The following PUDP variants were observed in gnomAD, a reference collection of about 807,000 sequenced individuals.
PUDP encodes the protein pseudouridine-5'-phosphatase.
PUDP carries 8 observed loss-of-function variants against 9.4 expected under a neutral mutation model. The ratio of observed to expected loss-of-function variants is 0.85; its 90% CI spans 0.50 to 1.53. PUDP has a LOEUF of 1.53. Ranked by LOEUF, PUDP falls within the 40% of genes most tolerant of loss-of-function variation. The pLI is 0.00. For missense variants in PUDP, 188 were observed against 189.7 expected (o/e 0.99, Z 0.05); for synonymous variants, 99 against 80.7 (o/e 1.23, Z -1.22).
chrX:6,812,354 G>GT (rs1468795226), intron 3 of PUDP, among the ~76,000 whole-genome samples: 1 of 111,845 alleles, frequency 8.9e-6, no homozygotes, highest in Admixed American at 9.5e-5. Context: ...CAAATCTTAA[G>GT]TGACTTGAAA....
At chrX:6,730,361 C>T (rs759135903) in intron 3 of PUDP, among the ~76,000 whole-genome samples, 2 of 112,471 alleles carry the variant, frequency 1.8e-5, no homozygotes, top group East Asian at 2.8e-4. Context: ...CGAAGCACAG[C>T]CTACACTCAA....
intron 3 of PUDP, among the ~76,000 whole-genome samples, chrX:6,893,555 T>A (rs1485880470): frequency 8.9e-6 from 1 of 111,871 alleles, no homozygotes; most frequent in African/African-American, 3.2e-5. Context: ...TACTTACTTG[T>A]CTGAAAAAAG....
chrX:6,948,821 C>T (rs770014283), intron 3 of PUDP, among the ~76,000 whole-genome samples: 1 of 111,982 alleles, frequency 8.9e-6, no homozygotes, highest in Admixed American at 9.5e-5. Context: ...ATGGATGTTC[C>T]AGGGTTTTTC....
At chrX:6,736,032 C>A (rs1924867467) in intron 3 of PUDP, among the ~76,000 whole-genome samples, 1 of 88,238 alleles carries the variant, frequency 1.1e-5, no homozygotes, top group African/African-American at 4.2e-5. Context: ...GACTTTGTCT[C>A]AAAAAAAAAA....
intron 3 of PUDP, among the ~76,000 whole-genome samples, chrX:6,857,698 T>A: frequency 8.9e-6 from 1 of 111,808 alleles, no homozygotes; most frequent in East Asian, 2.8e-4. Flanking sequence ...CCTCCTAAAG[T>A]GCTGGGATTA....
intron 3 of PUDP, among the ~76,000 whole-genome samples, chrX:6,808,316 G>A (rs1164279151): frequency 2.7e-5 from 3 of 111,708 alleles, no homozygotes; most frequent in African/African-American, 9.8e-5. Context: ...GAATATCCAC[G>A]TTCCCATCCA....
At chrX:7,134,396 T>G (rs758255182) in intron 1 of PUDP, among the ~76,000 whole-genome samples, 1 of 111,808 alleles carries the variant, frequency 8.9e-6, no homozygotes, top group South Asian at 3.8e-4. Flanking sequence ...GGAGTAGAAG[T>G]TAGAAGTGCT....
chrX:6,784,420 G>C, intron 3 of PUDP, among the ~76,000 whole-genome samples: 1 of 111,180 alleles, frequency 9.0e-6, no homozygotes. Context: ...TGTCAGGGCT[G>C]GCATCCCTCC....
At chrX:6,832,606 A>T (rs1456249977) in intron 3 of PUDP, among the ~76,000 whole-genome samples, 2 of 112,075 alleles carry the variant, frequency 1.8e-5, no homozygotes, top group African/African-American at 6.5e-5. Flanking sequence ...ACAAGAGCTA[A>T]CTGTGAAAGA....
At chrX:7,146,787 T>C (rs1444814917) in intron 1 of PUDP, among the ~76,000 whole-genome samples, 2 of 110,194 alleles carry the variant, frequency 1.8e-5, no homozygotes. Flanking sequence ...GCTTGGCTTA[T>C]TAGCTGTGTG....
chrX:7,037,028 T>A, intron 1 of PUDP, among the ~76,000 whole-genome samples: 1 of 112,075 alleles, frequency 8.9e-6, no homozygotes, highest in Non-Finnish European at 1.9e-5. Flanking sequence ...TCATGTTCTG[T>A]TCTTCTTTTT....
chrX:6,719,771 A>G (rs1443843428), intron 1 of PUDP, among the ~76,000 whole-genome samples: 1 of 112,179 alleles, frequency 8.9e-6, no homozygotes, highest in Non-Finnish European at 1.9e-5. Flanking sequence ...GTGCACGCCC[A>G]ATCCACAGTC....
intron 3 of PUDP, among the ~76,000 whole-genome samples, chrX:6,791,016 A>G (rs1202536991): frequency 8.9e-6 from 1 of 112,258 alleles, no homozygotes; most frequent in Non-Finnish European, 1.9e-5. Flanking sequence ...ATCTTAAAAT[A>G]TGTTAATGAT....
chrX:6,807,418 C>A (rs1926068698), intron 3 of PUDP, among the ~76,000 whole-genome samples: 3 of 112,277 alleles, frequency 2.7e-5, no homozygotes. Context: ...AATTAAATTG[C>A]TGACCGCATT....
chrX:6,730,881 T>C (rs1445412473), intron 3 of PUDP, among the ~76,000 whole-genome samples: 1 of 111,152 alleles, frequency 9.0e-6, no homozygotes, highest in Non-Finnish European at 1.9e-5. Context: ...AGTTCAAGAC[T>C]CAAGACTTGA....
chrX:7,137,433 G>C (rs1266350294), intron 1 of PUDP, among the ~76,000 whole-genome samples: 2 of 109,529 alleles, frequency 1.8e-5, no homozygotes, highest in Admixed American at 9.8e-5. Flanking sequence ...TGCAGTCCCA[G>C]CTTCTCGGGA....
chrX:6,848,261 G>T (rs1926777715), intron 3 of PUDP, among the ~76,000 whole-genome samples: 1 of 111,872 alleles, frequency 8.9e-6, no homozygotes. Flanking sequence ...GTTGCAAAGG[G>T]TGTGGATATA....
At chrX:6,715,938 G>A (rs1259830781) in intron 1 of PUDP, among the ~76,000 whole-genome samples, 1 of 111,356 alleles carries the variant, frequency 9.0e-6, no homozygotes, top group African/African-American at 3.3e-5. Flanking sequence ...GAGAGGCCAG[G>A]GGTAGGGACC....
chrX:6,719,158 G>A (rs770587290), intron 1 of PUDP, among the ~76,000 whole-genome samples: 7 of 111,593 alleles, frequency 6.3e-5, no homozygotes, highest in African/African-American at 2.3e-4. Flanking sequence ...TTATGCTCTG[G>A]AGGCTGGAAG....
Sources: allele counts gnomAD v4.1 joint callset (sites outside exome capture counted in the v4.1 genomes callset), GRCh38; gene constraint gnomAD v4.1.1; transcripts MANE v1.5; gene names NCBI Gene and HGNC (gene_info 2026-07-23, HGNC 2026-07-21).